Variants in STAT4 observed in about 807,000 individuals in gnomAD.
STAT4 encodes the protein signal transducer and activator of transcription 4.
A neutral mutation model predicts 110.5 loss-of-function variants in STAT4; 42 were observed. That is an observed-to-expected ratio of 0.38 (90% CI 0.30 to 0.49). The LOEUF (loss-of-function observed/expected upper bound fraction) is 0.49. Ranked by LOEUF, STAT4 falls within the 20% of genes least tolerant of loss-of-function variation. The pLI, the probability that STAT4 is intolerant of heterozygous loss-of-function variation, is 0.95. For missense variants in STAT4, 632 were observed against 887.9 expected, an observed-to-expected ratio of 0.71 and a Z score of 3.66; for synonymous variants, 284 against 302.2, an observed-to-expected ratio of 0.94 and a Z score of 0.63.
At chr2:191,131,896 G>A in intron 3 of STAT4, 1 of 1,423,278 alleles carries the variant, frequency 7.0e-7, no homozygotes, top group Non-Finnish European at 9.2e-7. Context: ...AGCCAACCCT[G>A]GGGACTAAAG....
In STAT4 at chr2:191,058,261, G is replaced by C. The variant is rs1368235707; in HGVS notation, c.1095-42C>G. The C allele has an allele frequency of 3.9e-6, 6 of 1,534,840 alleles. No homozygotes were observed. The Admixed American group carries it at 1.1e-4, about 27-fold the overall frequency. Reference sequence around the variant, plus strand: ...ATTCTTTAAAACAAGCTATTTAATAGATCTAGGAATAACTTTCTATGATAG... The same window carrying C: ...ATTCTTTAAAACAAGCTATTTAATACATCTAGGAATAACTTTCTATGATAG... On this transcript the variant is annotated intron_variant, in intron 11 of 23. Transcript: ENST00000392320. The surrounding 1 kb of genome is among the most constrained non-coding windows in gnomAD (Gnocchi z 4.3).
At chr2:191,137,539 C>A (rs1699211343) in intron 3 of STAT4, among the ~76,000 whole-genome samples, 1 of 151,564 alleles carries the variant, frequency 6.6e-6, no homozygotes, top group Non-Finnish European at 1.5e-5. Context: ...TGTATGGTAC[C>A]AAAAAGAGCC....
rs376170643 is a variant in STAT4 at position 191,138,413 on chromosome 2, G to A, written c.273+8200C>T. Among the ~76,000 whole-genome samples the A allele has an allele frequency of 2.0e-5, 3 of 152,158 alleles. No homozygotes were observed. Among genetic ancestry groups the A allele is most frequent in the East Asian group, 3.9e-4 (2 of 5,182 alleles). On this transcript the variant is annotated intron_variant, in intron 3 of 23. Coordinates refer to ENST00000392320, the MANE Select transcript of STAT4 (RefSeq NM_003151.4). The surrounding 1 kb of genome is among the most constrained non-coding windows in gnomAD (Gnocchi z 4.3). ...TCCAAATAAGATTTCATTTCGCATC[G>A]AGAAATGAAACTACAGCCAATACCG...
intron 3 of STAT4, among the ~76,000 whole-genome samples, chr2:191,114,676 A>G (rs2125372378): frequency 6.6e-6 from 1 of 152,226 alleles, no homozygotes; most frequent in East Asian, 1.9e-4. Context: ...GTCTATAATC[A>G]AAGCACTGGG....
At chr2:191,072,156 T>C (rs1470304669) in intron 5 of STAT4, among the ~76,000 whole-genome samples, 1 of 152,236 alleles carries the variant, frequency 6.6e-6, no homozygotes, top group Non-Finnish European at 1.5e-5. Context: ...TGCTGCATCC[T>C]ACTCCTTAGG....
intron 3 of STAT4, among the ~76,000 whole-genome samples, chr2:191,078,383 A>G (rs1472255140): frequency 6.6e-6 from 1 of 152,158 alleles, no homozygotes; most frequent in Admixed American, 6.5e-5. Context: ...AGTTTCCCCC[A>G]TACTTTGTAT....
Position 191,104,397 on chromosome 2 carries a change from T to C in STAT4, c.274-28072A>G, listed in dbSNP as rs374914432. 7.9e-5 allele frequency among the ~76,000 whole-genome samples: 12 copies of C among 152,290 alleles called. No homozygotes were observed. The South Asian group carries it at 2.5e-3, about 32-fold the overall frequency. ...TATTTTCTAGGAGAAGATGAGGTAA[T>C]ATTGTAGATAAAAAGCTTTAGAATC... On this transcript the variant is annotated intron_variant, in intron 3 of 23. Coordinates refer to ENST00000392320, the MANE Select transcript of STAT4 (RefSeq NM_003151.4). The surrounding 1 kb of genome is among the most constrained non-coding windows in gnomAD (Gnocchi z 4.3).
intron 3 of STAT4, among the ~76,000 whole-genome samples, chr2:191,106,698 A>AAAATT (rs941241495): frequency 2.0e-5 from 3 of 151,556 alleles, no homozygotes; most frequent in South Asian, 2.1e-4. Context: ...AAAATAAAAT[A>AAAATT]AAAAAATGTA....
At position 191,042,718 on chromosome 2, in the gene STAT4, G is replaced by A. The variant is rs1485881151; in HGVS notation, c.1252-1570C>T. Among the ~76,000 whole-genome samples the A allele has an allele frequency of 2.0e-5, 3 of 152,016 alleles. 1 individual carries two copies. In the East Asian group the frequency reaches 5.8e-4, roughly 29 times the overall value. On this transcript the variant is annotated intron_variant, in intron 14 of 23. Transcript: ENST00000392320. This position sits in a 1 kb window ranked among gnomAD's most constrained non-coding sequence, Gnocchi z 4.2. ...GTGAAAAATAGGTTAAATAAGATAGGCAAAATATTAATCATTGTTGAAGTT... is the reference window on the plus strand; with the variant it reads ...GTGAAAAATAGGTTAAATAAGATAGACAAAATATTAATCATTGTTGAAGTT...
intron 3 of STAT4, 117 bp from the exon 4 acceptor site, chr2:191,076,442 T>C: frequency 1.3e-6 from 1 of 750,542 alleles, no homozygotes; most frequent in East Asian, 2.7e-5. Flanking sequence ...GTGAAATTAC[T>C]TGGGATTTGT....
In STAT4 at chr2:191,066,510, T is replaced by C. The variant is rs757114207; in HGVS notation, c.550A>G (p.Ser184Gly). The C allele has an allele frequency of 3.0e-5, 49 of 1,613,070 alleles. No homozygotes were observed. Among genetic ancestry groups the C allele is most frequent in the Non-Finnish European group, 3.9e-5 (46 of 1,179,482 alleles). Residue 184 changes from serine (S) to glycine (G), a missense_variant, in exon 7 of 24, where the codon AGT becomes GGT. This residue lies in a region of STAT4 where 488 missense variants were observed against 632.8 expected (regional missense o/e 0.77). Coordinates refer to ENST00000392320, the MANE Select transcript of STAT4 (RefSeq NM_003151.4). This position sits in a 1 kb window ranked among gnomAD's most constrained non-coding sequence, Gnocchi z 4.3. ...RYKTIQTMDQSDKNSAMVNQE... is the reference protein window; with the variant it reads ...RYKTIQTMDQGDKNSAMVNQE... ...TTCACCATGGCACTATTCTTGTCAC[T>C]CTGATCTGCAAAGGTAAAGAGATCA...
chr2:191,072,578 T>G (rs904968976), intron 5 of STAT4, among the ~76,000 whole-genome samples: 2 of 152,226 alleles, frequency 1.3e-5, no homozygotes, highest in African/African-American at 4.8e-5. Context: ...AAATGAATGC[T>G]ATGTAAGTTT....
chr2:191,083,858 T>C lies in STAT4; in HGVS notation c.274-7533A>G, dbSNP rs776407157. On this transcript the variant is annotated intron_variant, in intron 3 of 23. Transcript: ENST00000392320. This position sits in a 1 kb window ranked among gnomAD's most constrained non-coding sequence, Gnocchi z 4.6. The stretch of plus-strand genomic sequence containing the variant: ...TTTCAAGTTCGCATGATTTTAGTAA[T>C]CTTTGATGAAAAAAAGACAGTTTTA... Among the ~76,000 whole-genome samples, 9 of 152,144 alleles carry C rather than the reference T, an allele frequency of 5.9e-5. No individual in the cohort carries two copies. The highest frequency in any genetic ancestry group is 8.8e-5 in the Non-Finnish European group (6 of 68,020).
At chr2:191,040,524 T>A (rs1429602637) in intron 15 of STAT4, among the ~76,000 whole-genome samples, 1 of 152,104 alleles carries the variant, frequency 6.6e-6, no homozygotes, top group Non-Finnish European at 1.5e-5. Context: ...GTATATAAAG[T>A]TCGTAATACT....
chr2:191,036,381 C>A (rs1696047750), intron 16 of STAT4, 82 bp from the exon 17 acceptor site: 7 of 1,385,128 alleles, frequency 5.1e-6, no homozygotes, highest in East Asian at 2.4e-5. Context: ...AGAGAGGTCT[C>A]CCCCTCTCCC....
intron 17 of STAT4, 95 bp downstream of exon 17, chr2:191,036,069 A>C: frequency 7.2e-7 from 1 of 1,385,302 alleles, no homozygotes; most frequent in East Asian, 2.4e-5. Context: ...TATGATTATC[A>C]TCTTTATTAT....
chr2:191,151,087 C>A, upstream of STAT4: 1 of 985,480 alleles, frequency 1.0e-6, no homozygotes. The surrounding 1 kb of genome is among the most constrained non-coding windows in gnomAD (Gnocchi z 4.7). Flanking sequence ...CTTTCCTGTG[C>A]GTCAGTGTTC....
intron 13 of STAT4, 91 bp from the exon 14 acceptor site, chr2:191,054,625 C>G: frequency 8.6e-7 from 1 of 1,156,516 alleles, no homozygotes; most frequent in Non-Finnish European, 1.3e-6. Context: ...TTTTCTTGGC[C>G]ACAGTTTTGA....
In STAT4 at chr2:191,135,370, G is replaced by T. The variant is rs1283050569; in HGVS notation, c.273+11243C>A. ...TCAGGAAAAAAGCCCAAAAAGACCT[G>T]AACAGACTAATAATGAGTAAGGAGA... On this transcript the variant is annotated intron_variant, in intron 3 of 23. Coordinates refer to ENST00000392320, the MANE Select transcript of STAT4 (RefSeq NM_003151.4). The surrounding 1 kb of genome is among the most constrained non-coding windows in gnomAD (Gnocchi z 4.8). Among the ~76,000 whole-genome samples, 1 of 152,150 alleles carries T rather than the reference G, an allele frequency of 6.6e-6. No individual in the cohort carries two copies. Among genetic ancestry groups the T allele is most frequent in the Non-Finnish European group, 1.5e-5 (1 of 68,024 alleles).
Sources: gnomAD v4.1 joint callset for allele counts (sites outside exome capture counted in the v4.1 genomes callset) on GRCh38, gnomAD v4.1.1 for gene constraint, gnomAD v4.1.1 regional missense constraint, Gnocchi (gnomAD v3.1) non-coding constraint, MANE v1.5 for transcripts, NCBI Gene and HGNC (gene_info 2026-07-23, HGNC 2026-07-21) for gene names.